Variants in CBLB observed in about 807,000 individuals in gnomAD.
The protein encoded by CBLB is Cbl proto-oncogene B.
A neutral mutation model predicts 104.9 loss-of-function variants in CBLB; 31 were observed. That is an observed-to-expected ratio of 0.30 (90% CI 0.22 to 0.40). The LOEUF is 0.40. CBLB is among the 10% of genes least tolerant of loss of function. The pLI is 1.00. For synonymous variants in CBLB, 440 were observed against 422.6 expected (o/e 1.04, Z -0.51); for missense variants, 1,062 against 1,214.6 (o/e 0.87, Z 1.87).
chr3:105,748,047 C>T lies in CBLB; in HGVS notation c.724-2009G>A, dbSNP rs1576840487. ...AACAGAAACATGTAGTACTTATGTG[C>T]TTTTTCTTTTTAAAGTATTTCGACA... On this transcript the variant is annotated intron_variant, in intron 5 of 18. Transcript: ENST00000394030. 4.6e-5 allele frequency among the ~76,000 whole-genome samples: 7 copies of T among 152,194 alleles called. No homozygotes were observed. The South Asian group carries it at 1.5e-3, about 32-fold the overall frequency.
rs908788084 is a variant in CBLB, at chr3:105,720,325, A to T, written c.1204-75T>A. 7 of 1,396,816 alleles carry T rather than the reference A, an allele frequency of 5.0e-6. No individual in the cohort carries two copies. In the Admixed American group the frequency reaches 7.8e-5, roughly 16 times the overall value. 86.5% of individuals were successfully genotyped at this position (1,396,816 alleles called of 1,614,324 possible). A position where few individuals can be genotyped will look rare whatever the true frequency, so the allele number is the denominator to read the frequency against. On this transcript the variant is annotated intron_variant, in intron 9 of 18. Transcript: ENST00000394030. ...CCGAGAAATGCTAATAATGTTCTAC[A>T]ACTATAAAAGTCACACCCCCAAAAA...
At chr3:105,688,650 TCC>T (rs2067295733) in intron 13 of CBLB, among the ~76,000 whole-genome samples, 1 of 151,944 alleles carries the variant, frequency 6.6e-6, no homozygotes. Flanking sequence ...ATTATCCCAA[TCC>T]TAACAGGGAA....
intron 10 of CBLB, among the ~76,000 whole-genome samples, chr3:105,704,566 A>T (rs533487391): frequency 1.3e-5 from 2 of 152,216 alleles, no homozygotes; most frequent in African/African-American, 2.4e-5. Context: ...AGCTTTGTAC[A>T]TTCTAATACT....
chr3:105,848,012 C>CCACACATACA (rs1268880174), intron 3 of CBLB, among the ~76,000 whole-genome samples: 1 of 151,964 alleles, frequency 6.6e-6, no homozygotes. Context: ...TACCTTCTCT[C>CCACACATACA]CACACATACA....
At chr3:105,791,518 C>T (rs1319674479) in intron 3 of CBLB, among the ~76,000 whole-genome samples, 1 of 152,174 alleles carries the variant, frequency 6.6e-6, no homozygotes, top group Non-Finnish European at 1.5e-5. Context: ...AATCAAATAC[C>T]ATGCCACCCA....
chr3:105,748,442 T>A (rs150573313), intron 5 of CBLB, among the ~76,000 whole-genome samples: 1 of 152,196 alleles, frequency 6.6e-6, no homozygotes. Context: ...AAATACTCCG[T>A]CCTTATCCTG....
At chr3:105,759,446 C>T (rs1004426298) in intron 4 of CBLB, among the ~76,000 whole-genome samples, 1 of 152,234 alleles carries the variant, frequency 6.6e-6, no homozygotes, top group Admixed American at 6.5e-5. Flanking sequence ...AGCCTGTCTG[C>T]CTCCTGCTGC....
chr3:105,772,622 C>G (rs112374870), intron 4 of CBLB, among the ~76,000 whole-genome samples: 1 of 152,122 alleles, frequency 6.6e-6, no homozygotes, highest in Non-Finnish European at 1.5e-5. Flanking sequence ...ATGCTTCTGA[C>G]AACGGACTAG....
At chr3:105,705,570 A>G (rs2069964938) in intron 10 of CBLB, among the ~76,000 whole-genome samples, 1 of 152,206 alleles carries the variant, frequency 6.6e-6, no homozygotes, top group African/African-American at 2.4e-5. Context: ...TTTAAAAATA[A>G]TTAGCCTGGG....
At chr3:105,792,398 A>G (rs577038813) in intron 3 of CBLB, among the ~76,000 whole-genome samples, 2 of 152,324 alleles carry the variant, frequency 1.3e-5, no homozygotes, top group East Asian at 1.9e-4. Flanking sequence ...TCATTGTTTT[A>G]GAGTGAGTTA....
intron 2 of CBLB, among the ~76,000 whole-genome samples, chr3:105,859,447 C>G (rs539685298): frequency 6.6e-6 from 1 of 152,114 alleles, no homozygotes; most frequent in South Asian, 2.1e-4. Context: ...GTCAGGAGAT[C>G]GAGAACATCT....
At chr3:105,692,821 G>A (rs2067874442) in intron 13 of CBLB, among the ~76,000 whole-genome samples, 1 of 150,322 alleles carries the variant, frequency 6.7e-6, no homozygotes, top group Non-Finnish European at 1.5e-5. Flanking sequence ...AGGAAAATTA[G>A]AATTGGGATA....
chr3:105,799,054 T>G (rs928757692), intron 3 of CBLB, among the ~76,000 whole-genome samples: 3 of 151,344 alleles, frequency 2.0e-5, no homozygotes, highest in Non-Finnish European at 2.9e-5. Context: ...TCCTTCAAGA[T>G]CTAACAAAGT....
chr3:105,831,314 C>T (rs2087479918), intron 3 of CBLB, among the ~76,000 whole-genome samples: 1 of 152,222 alleles, frequency 6.6e-6, no homozygotes, highest in Admixed American at 6.5e-5. Context: ...GCCTGTATCT[C>T]CTACCTGAGC....
intron 3 of CBLB, among the ~76,000 whole-genome samples, chr3:105,785,210 A>AT (rs760730484): frequency 1.5e-4 from 23 of 152,258 alleles, no homozygotes; most frequent in Non-Finnish European, 2.5e-4. Context: ...TTCAAAGATT[A>AT]TAAAAAATAT....
chr3:105,759,882 G>A (rs1438794597), intron 4 of CBLB, among the ~76,000 whole-genome samples: 2 of 152,184 alleles, frequency 1.3e-5, no homozygotes, highest in Non-Finnish European at 2.9e-5. Context: ...GATCCCACCT[G>A]CTCCATAGAG....
intron 3 of CBLB, among the ~76,000 whole-genome samples, chr3:105,804,295 T>C (rs956217649): frequency 1.3e-5 from 2 of 151,258 alleles, no homozygotes; most frequent in East Asian, 3.9e-4. Context: ...CTGAGGCGGG[T>C]GGATCACAAG....
chr3:105,730,091 T>G (rs1285292231), intron 9 of CBLB, among the ~76,000 whole-genome samples: 1 of 152,044 alleles, frequency 6.6e-6, no homozygotes, highest in Non-Finnish European at 1.5e-5. Context: ...AATAATTTTC[T>G]TTAGGGGGAG....
intron 10 of CBLB, among the ~76,000 whole-genome samples, chr3:105,704,384 T>C (rs532657004): frequency 3.0e-4 from 46 of 152,302 alleles, no homozygotes; most frequent in African/African-American, 1.1e-3. Flanking sequence ...AAGTTTTTCC[T>C]ACATATTGCA....
Sources: gnomAD v4.1 joint callset for allele counts (sites outside exome capture counted in the v4.1 genomes callset) on GRCh38, gnomAD v4.1.1 for gene constraint, MANE v1.5 for transcripts, NCBI Gene and HGNC (gene_info 2026-07-23, HGNC 2026-07-21) for gene names.